The following PUDP variants were observed in gnomAD, a reference collection of about 807,000 sequenced individuals.
PUDP encodes pseudouridine 5'-phosphatase.
Under a neutral mutation model 9.4 loss-of-function variants are expected in PUDP, and 8 were observed. That is an observed-to-expected ratio of 0.85 (90% confidence interval 0.50 to 1.53). The LOEUF is 1.53. PUDP is among the 40% of genes most tolerant of loss of function. PUDP has a pLI of 0.00. For synonymous variants in PUDP, 99 were observed against 80.7 expected (o/e 1.23, Z -1.22); for missense variants, 188 against 189.7 (o/e 0.99, Z 0.05).
At chrX:6,755,898 C>T (rs1285106679) in intron 3 of PUDP, among the ~76,000 whole-genome samples, 1 of 110,492 alleles carries the variant, frequency 9.1e-6, no homozygotes, top group East Asian at 2.8e-4. Flanking sequence ...TAATGAGTTA[C>T]GACTAAAGAG....
intron 1 of PUDP, among the ~76,000 whole-genome samples, chrX:6,707,989 C>T (rs909457580): frequency 8.9e-6 from 1 of 111,881 alleles, no homozygotes; most frequent in Non-Finnish European, 1.9e-5. Context: ...TAATTTTCGA[C>T]GAAGCTCCTT....
At chrX:6,817,853 G>T (rs1926276474) in intron 3 of PUDP, among the ~76,000 whole-genome samples, 2 of 110,908 alleles carry the variant, frequency 1.8e-5, no homozygotes, top group Admixed American at 1.9e-4. Flanking sequence ...AAACCAAAAG[G>T]GATGCCTTTC....
At chrX:6,919,254 T>C (rs888070034) in intron 3 of PUDP, among the ~76,000 whole-genome samples, 3 of 112,007 alleles carry the variant, frequency 2.7e-5, no homozygotes, top group East Asian at 5.6e-4. Context: ...CAGGCTTAAA[T>C]AGGGTGGACT....
upstream of PUDP, among the ~76,000 whole-genome samples, chrX:6,722,490 A>C (rs1347679560): frequency 9.0e-6 from 1 of 111,439 alleles, no homozygotes; most frequent in Non-Finnish European, 1.9e-5. Flanking sequence ...AAACAACTAG[A>C]AGAAAGTATA....
intron 1 of PUDP, among the ~76,000 whole-genome samples, chrX:7,144,558 C>A (rs1932829114): frequency 9.0e-6 from 1 of 111,192 alleles, no homozygotes; most frequent in Admixed American, 9.6e-5. Flanking sequence ...GACCCTACCT[C>A]CATGACCTTT....
At chrX:7,108,500 C>T (rs1931949695) in intron 1 of PUDP, among the ~76,000 whole-genome samples, 1 of 110,805 alleles carries the variant, frequency 9.0e-6, no homozygotes, top group Admixed American at 9.6e-5. Flanking sequence ...TGCACTGACC[C>T]CCTCTGTGGC....
chrX:7,126,732 TC>T (rs1270632751), intron 1 of PUDP, among the ~76,000 whole-genome samples: 17 of 111,433 alleles, frequency 1.5e-4, no homozygotes, highest in Non-Finnish European at 2.6e-4. Context: ...CATTCTGAGG[TC>T]CTGGGGTTAG....
chrX:7,070,238 G>A (rs1212787239), intron 3 of PUDP, among the ~76,000 whole-genome samples: 3 of 112,379 alleles, frequency 2.7e-5, no homozygotes, highest in African/African-American at 6.5e-5. Flanking sequence ...GACAGTAACC[G>A]TGAAGGTCCT....
intron 2 of PUDP, among the ~76,000 whole-genome samples, chrX:7,086,738 G>C (rs377529713): frequency 8.9e-6 from 1 of 112,272 alleles, no homozygotes; most frequent in East Asian, 2.8e-4. Flanking sequence ...CAGATCTTCA[G>C]TCCTAATTTA....
intron 1 of PUDP, among the ~76,000 whole-genome samples, chrX:7,002,637 T>C (rs1929342265): frequency 9.0e-6 from 1 of 111,201 alleles, no homozygotes; most frequent in Non-Finnish European, 1.9e-5. Context: ...GTCTGACCTA[T>C]TTCTGGGAAA....
intron 3 of PUDP, among the ~76,000 whole-genome samples, chrX:6,949,562 G>A (rs1425216059): frequency 8.9e-6 from 1 of 111,820 alleles, no homozygotes; most frequent in Non-Finnish European, 1.9e-5. Flanking sequence ...ACCCCCAACT[G>A]CTAATTGCTT....
chrX:6,821,678 C>A (rs1226771248), intron 3 of PUDP, among the ~76,000 whole-genome samples: 1 of 111,976 alleles, frequency 8.9e-6, no homozygotes, highest in African/African-American at 3.2e-5. Context: ...AGCAGCCCCA[C>A]ATAATTTCTT....
At chrX:7,007,367 T>A (rs1929416157) in intron 1 of PUDP, among the ~76,000 whole-genome samples, 1 of 112,070 alleles carries the variant, frequency 8.9e-6, no homozygotes, top group Admixed American at 9.4e-5. Context: ...ACCAGATGGG[T>A]CAATTTCTAT....
At chrX:6,855,958 T>C (rs1246075806) in intron 3 of PUDP, among the ~76,000 whole-genome samples, 2 of 111,021 alleles carry the variant, frequency 1.8e-5, no homozygotes, top group Admixed American at 9.7e-5. Flanking sequence ...GAATGAAAAA[T>C]ATATCTAGGA....
chrX:7,067,874 C>T (rs1160488624), intron 3 of PUDP, among the ~76,000 whole-genome samples: 2 of 111,064 alleles, frequency 1.8e-5, no homozygotes, highest in Non-Finnish European at 3.8e-5. Flanking sequence ...ATGCTGTTCT[C>T]GTGATAGTGA....
intron 3 of PUDP, among the ~76,000 whole-genome samples, chrX:6,785,101 C>T (rs1270180442): frequency 8.9e-6 from 1 of 112,274 alleles, no homozygotes; most frequent in Non-Finnish European, 1.9e-5. Context: ...AATTTAATTC[C>T]CCTCTCAGAG....
rs974446679 is a variant in PUDP at position 7,083,556 on chromosome X, T to C, written c.281-6107A>G. ...TGTCTGGGATGCGGTTCAAGACAGT[T>C]GTGGGGGGCAGGTGGTGGACAGACG... On this transcript the variant is annotated intron_variant, in intron 2 of 3. Transcript: ENST00000381077. Among the ~76,000 whole-genome samples, 6 of 110,921 alleles carry C rather than the reference T, an allele frequency of 5.4e-5. No individual in the cohort carries two copies. In the East Asian group the frequency reaches 1.7e-3, roughly 32 times the overall value.
At chrX:6,889,320 T>C (rs1052841743) in intron 3 of PUDP, among the ~76,000 whole-genome samples, 55 of 111,685 alleles carry the variant, frequency 4.9e-4, no homozygotes, top group African/African-American at 1.7e-3. Flanking sequence ...TTTTCCTTTA[T>C]CTTGCTTTTT....
intron 3 of PUDP, among the ~76,000 whole-genome samples, chrX:6,813,913 G>A (rs1349442451): frequency 8.9e-6 from 1 of 111,743 alleles, no homozygotes; most frequent in East Asian, 2.8e-4. Context: ...GTGCTTCCAA[G>A]GGGGTTCACG....
Sources: allele counts gnomAD v4.1 joint callset (sites outside exome capture counted in the v4.1 genomes callset), GRCh38; gene constraint gnomAD v4.1.1; transcripts MANE v1.5; gene names NCBI Gene and HGNC (gene_info 2026-07-23, HGNC 2026-07-21).